Variants in REPS2 observed in about 807,000 individuals in gnomAD.
REPS2 encodes the protein ralBP1-associated Eps domain-containing protein 2.
A neutral mutation model predicts 53.6 loss-of-function variants in REPS2; 23 were observed. The ratio of observed to expected loss-of-function variants is 0.43; its 90% CI spans 0.31 to 0.61. The LOEUF is 0.61. Among genes scored for constraint, REPS2 ranks in the 20% least tolerant of loss-of-function variants. The pLI is 0.11. For missense variants in REPS2, 446 were observed against 534.9 expected (o/e 0.83, Z 1.64); for synonymous variants, 238 against 218.6 (o/e 1.09, Z -0.78).
intron 13 of REPS2, among the ~76,000 whole-genome samples, chrX:17,079,826 T>C (rs781416382): frequency 6.2e-5 from 7 of 112,705 alleles, no homozygotes; most frequent in Admixed American, 9.4e-5. Flanking sequence ...TAATTGCATC[T>C]ACTTTATTTA....
chrX:17,101,046 C>T (rs1603019933), intron 13 of REPS2, among the ~76,000 whole-genome samples: 2 of 105,466 alleles, frequency 1.9e-5, no homozygotes, highest in Admixed American at 1.0e-4. Flanking sequence ...TTTTCTTTTT[C>T]TTTTTCTTTC....
intron 5 of REPS2, among the ~76,000 whole-genome samples, chrX:17,036,950 G>A (rs1319205239): frequency 3.6e-5 from 4 of 109,670 alleles, no homozygotes; most frequent in African/African-American, 6.7e-5. Context: ...TTCATTCCTC[G>A]TTTCATTTGA....
chrX:17,032,138 C>T (rs1306850359), intron 5 of REPS2, among the ~76,000 whole-genome samples: 2 of 111,650 alleles, frequency 1.8e-5, no homozygotes, highest in Admixed American at 1.9e-4. Flanking sequence ...TTGAGATAGT[C>T]CAGAGAAGCT....
At chrX:16,974,764 A>G (rs1473242581) in intron 1 of REPS2, among the ~76,000 whole-genome samples, 8 of 111,401 alleles carry the variant, frequency 7.2e-5, no homozygotes, top group African/African-American at 2.0e-4. Flanking sequence ...GATTTGTTGT[A>G]TAGGTAAATT....
intron 13 of REPS2, among the ~76,000 whole-genome samples, chrX:17,093,053 G>C (rs996129394): frequency 2.0e-5 from 2 of 102,357 alleles, no homozygotes; most frequent in African/African-American, 7.2e-5. Context: ...AGAATTGATA[G>C]AATGTAGCTA....
At chrX:17,160,455 T>C in the REPS2 span, among the ~76,000 whole-genome samples, 1 of 112,692 alleles carries the variant, frequency 8.9e-6, no homozygotes, top group African/African-American at 3.2e-5. Context: ...CAGATGAAGT[T>C]ATTTCAAAAA....
intron 1 of REPS2, among the ~76,000 whole-genome samples, chrX:17,001,438 A>G (rs772587201): frequency 1.5e-4 from 17 of 112,527 alleles, no homozygotes; most frequent in African/African-American, 4.2e-4. Flanking sequence ...TGTAATCACA[A>G]TAAAACAGAC....
intron 10 of REPS2, among the ~76,000 whole-genome samples, chrX:17,069,063 C>G (rs2062266160): frequency 9.0e-6 from 1 of 111,704 alleles, no homozygotes; most frequent in Non-Finnish European, 1.9e-5. Flanking sequence ...CCCTCTCCCC[C>G]ACCTCCTATA....
chrX:17,104,411 G>A (rs138675711), intron 14 of REPS2, among the ~76,000 whole-genome samples: 602 of 112,178 alleles, frequency 5.4e-3, no homozygotes, highest in Non-Finnish European at 7.0e-3. Flanking sequence ...GTGGAGTGTG[G>A]TATATGGTGC....
chrX:17,196,263 A>G, the REPS2 span, among the ~76,000 whole-genome samples: 3 of 112,060 alleles, frequency 2.7e-5, no homozygotes, highest in Non-Finnish European at 5.6e-5. Context: ...AGACTAAAAA[A>G]AGAAATAAAG....
chrX:17,149,862 G>C lies in REPS2; in HGVS notation c.*2381G>C, dbSNP rs190045987. ...CAGAGTGAGCCAGATTGGGAGGTTGGGGTTTTGTTTGGTTGGCTTGGTTTT... is the reference window on the plus strand; with the variant it reads ...CAGAGTGAGCCAGATTGGGAGGTTGCGGTTTTGTTTGGTTGGCTTGGTTTT... On this transcript the variant is annotated 3_prime_UTR_variant, in exon 18 of 18. Coordinates refer to ENST00000357277, the MANE Select transcript of REPS2 (RefSeq NM_004726.3). The C allele has an allele frequency of 9.0e-6, 1 of 111,559 alleles. No homozygotes were observed. The highest frequency in any genetic ancestry group is 2.8e-4 in the East Asian group (1 of 3,559). 9.2% of individuals were successfully genotyped at this position (111,559 alleles called of 1,213,427 possible). A position where few individuals can be genotyped will look rare whatever the true frequency, so the allele number is the denominator to read the frequency against.
rs1174726459 is a variant in REPS2, at chrX:17,062,504, A to G, written c.1181A>G (p.Gln394Arg). ...TATTCTGAGTCACTGCCGGCAAATC[A>G]ACAACCTCGTGACTTGAATCGGATG... ...DSYSESLPAN[Q>R]QPRDLNRMEK... The change falls in exon 9 of 18, where the codon CAA (glutamine) becomes CGA (arginine). Residue 394 changes from glutamine to arginine, a missense_variant. Physicochemically the swap from Gln to Arg is conservative, Grantham distance 43. Transcript: ENST00000357277. The G allele has an allele frequency of 1.7e-6, 2 of 1,204,439 alleles. No individual in the cohort carries two copies. The highest frequency in any genetic ancestry group is 2.2e-5 in the Admixed American group (1 of 45,342).
At chrX:16,986,647 C>T (rs1041254686) in intron 1 of REPS2, among the ~76,000 whole-genome samples, 1 of 111,505 alleles carries the variant, frequency 9.0e-6, no homozygotes, top group Non-Finnish European at 1.9e-5. Context: ...AAGTGACCTG[C>T]TCACTGGGTC....
At chrX:17,187,881 T>C in the REPS2 span, among the ~76,000 whole-genome samples, 1 of 112,761 alleles carries the variant, frequency 8.9e-6, no homozygotes, top group Admixed American at 9.4e-5. Context: ...AAAGGAAGCT[T>C]CACATCACCA....
intron 1 of REPS2, among the ~76,000 whole-genome samples, chrX:17,000,644 T>C (rs566032467): frequency 8.9e-6 from 1 of 111,888 alleles, no homozygotes; most frequent in South Asian, 3.7e-4. Flanking sequence ...AGATATTACA[T>C]AGGTAATTCT....
chrX:17,181,581 C>A, the REPS2 span, among the ~76,000 whole-genome samples: 1 of 112,075 alleles, frequency 8.9e-6, no homozygotes, highest in Non-Finnish European at 1.9e-5. Context: ...ATCTGCTGAG[C>A]CTGGCCTAGC....
the REPS2 span, among the ~76,000 whole-genome samples, chrX:17,177,208 A>G: frequency 0.14 from 15,643 of 111,683 alleles, 854 homozygotes; most frequent in Admixed American, 0.18. Context: ...AAATATGGCA[A>G]GGAAGGGCCC....
At chrX:16,965,864 T>G in intron 1 of REPS2, among the ~76,000 whole-genome samples, 1 of 112,645 alleles carries the variant, frequency 8.9e-6, no homozygotes, top group Non-Finnish European at 1.9e-5. Flanking sequence ...TCCCGGCACC[T>G]CGGGAGGCCG....
At position 16,951,559 on chromosome X, in the gene REPS2, A is replaced by ACACACCCCC. The variant is rs879259718; in HGVS notation, c.273+4426_273+4427insACACCCCCC. ...CACACACACACACACACACACACAC[A>ACACACCCCC]CCCCCGCTACCTACCTCTCTCTGGG... On this transcript the variant is annotated intron_variant, in intron 1 of 17. Coordinates refer to ENST00000357277, the MANE Select transcript of REPS2 (RefSeq NM_004726.3). Among the ~76,000 whole-genome samples, 17 of 37,474 alleles carry ACACACCCCC rather than the reference A, an allele frequency of 4.5e-4. 1 individual carries two copies. Among genetic ancestry groups the ACACACCCCC allele is most frequent in the East Asian group, 9.0e-4 (1 of 1,108 alleles). 32.5% of individuals were successfully genotyped at this position (37,474 alleles called of 115,157 possible).
Sources: gnomAD v4.1 joint callset for allele counts (sites outside exome capture counted in the v4.1 genomes callset) on GRCh38, gnomAD v4.1.1 for gene constraint, MANE v1.5 for transcripts, NCBI Gene and HGNC (gene_info 2026-07-23, HGNC 2026-07-21) for gene names.